Variants in ANKRD30B observed in about 807,000 individuals in gnomAD.
The protein encoded by ANKRD30B is ankyrin repeat domain 30B.
In ANKRD30B, 144 loss-of-function variants were observed where a neutral mutation model predicts 202.2. The observed-to-expected ratio is 0.71, with a 90% CI of 0.62 to 0.82. ANKRD30B has a LOEUF of 0.82. Among genes scored for constraint, ANKRD30B ranks in the 40% least tolerant of loss-of-function variants. The pLI, the probability that ANKRD30B is intolerant of heterozygous loss-of-function variation, is 0.00. For missense variants in ANKRD30B, 1,487 were observed against 1,669.1 expected (o/e 0.89, Z 1.90); for synonymous variants, 508 against 561.3 (o/e 0.91, Z 1.34).
chr18:14,853,285 T>C (rs1200391770), intron 42 of ANKRD30B, among the ~76,000 whole-genome samples: 2 of 152,118 alleles, frequency 1.3e-5, no homozygotes, highest in South Asian at 4.1e-4. Flanking sequence ...GGTGGCAAGG[T>C]TCATGTATAG....
chr18:14,833,197 A>T (rs925874820), intron 34 of ANKRD30B, among the ~76,000 whole-genome samples: 1 of 150,546 alleles, frequency 6.6e-6, no homozygotes, highest in Non-Finnish European at 1.5e-5. Context: ...GGCCTCCCCA[A>T]AATCCTGGGA....
At chr18:14,920,424 T>G in the ANKRD30B span, among the ~76,000 whole-genome samples, 4 of 152,204 alleles carry the variant, frequency 2.6e-5, no homozygotes, top group Admixed American at 6.5e-5. Context: ...CCATAGTGAC[T>G]AGTGTCACCA....
chr18:14,816,287 T>C (rs1436961030), intron 30 of ANKRD30B: 1 of 152,216 alleles, frequency 6.6e-6, no homozygotes, highest in Non-Finnish European at 1.5e-5. Context: ...GTTTGTAGAA[T>C]GTTCTTGTCA....
At chr18:14,940,936 G>A in the ANKRD30B span, among the ~76,000 whole-genome samples, 2 of 152,050 alleles carry the variant, frequency 1.3e-5, no homozygotes, top group Admixed American at 6.5e-5. Flanking sequence ...AGAGTCCCAG[G>A]GACTCTTATG....
At position 14,772,075 on chromosome 18, in the gene ANKRD30B, G is replaced by A. The variant is rs999776373; in HGVS notation, c.1257-81G>A. On this transcript the variant is annotated intron_variant, in intron 8 of 43. Transcript: ENST00000690538. ...GTTTTTTGTTTTCATTTTATAGAGTGAGCACCAAGATATGAACTAGCAGAT... is the reference window on the plus strand; with the variant it reads ...GTTTTTTGTTTTCATTTTATAGAGTAAGCACCAAGATATGAACTAGCAGAT... The A allele has an allele frequency of 3.7e-6, 3 of 806,856 alleles. No individual in the cohort carries two copies. The African/African-American group carries it at 5.3e-5, about 14-fold the overall frequency. The allele number at this position is 806,856 out of a possible 1,614,324, so 50.0% of individuals were successfully genotyped here.
At chr18:14,822,112 A>G (rs1247618130) in intron 30 of ANKRD30B, among the ~76,000 whole-genome samples, 1 of 151,900 alleles carries the variant, frequency 6.6e-6, no homozygotes, top group Non-Finnish European at 1.5e-5. Flanking sequence ...TAGCTTGGAC[A>G]TTTATTTATT....
chr18:14,840,306 G>A (rs1971362100), intron 36 of ANKRD30B, among the ~76,000 whole-genome samples: 1 of 152,132 alleles, frequency 6.6e-6, no homozygotes, highest in African/African-American at 2.4e-5. Flanking sequence ...CGGAGGGCGA[G>A]GTGGGCAGAT....
the ANKRD30B span, among the ~76,000 whole-genome samples, chr18:14,897,640 T>C: frequency 6.6e-6 from 1 of 152,234 alleles, no homozygotes. Context: ...CTGTATATTT[T>C]ATTTTCAAAT....
chr18:14,769,742 C>T (rs1916811063), intron 8 of ANKRD30B, among the ~76,000 whole-genome samples: 2 of 152,334 alleles, frequency 1.3e-5, no homozygotes, highest in Admixed American at 1.3e-4. Context: ...TGGATCAATT[C>T]ACAAAGTTAC....
chr18:14,881,291 T>C, the ANKRD30B span, among the ~76,000 whole-genome samples: 1 of 152,206 alleles, frequency 6.6e-6, no homozygotes, highest in Non-Finnish European at 1.5e-5. Flanking sequence ...GCTTTAATCA[T>C]AAAGCAATGC....
At chr18:14,886,465 T>C in the ANKRD30B span, among the ~76,000 whole-genome samples, 1 of 152,050 alleles carries the variant, frequency 6.6e-6, no homozygotes, top group Non-Finnish European at 1.5e-5. Context: ...AGAAGTCTTT[T>C]TTAGGTGATT....
chr18:14,940,035 T>A, the ANKRD30B span, among the ~76,000 whole-genome samples: 1 of 152,238 alleles, frequency 6.6e-6, no homozygotes, highest in Non-Finnish European at 1.5e-5. Context: ...TGACTCCTTA[T>A]TCATAGGCAA....
At chr18:14,910,609 A>G in the ANKRD30B span, among the ~76,000 whole-genome samples, 1 of 151,580 alleles carries the variant, frequency 6.6e-6, no homozygotes, top group African/African-American at 2.4e-5. Context: ...TTTTTTTTTG[A>G]TATAATAAAT....
chr18:14,882,101 T>G, the ANKRD30B span, among the ~76,000 whole-genome samples: 4 of 152,204 alleles, frequency 2.6e-5, no homozygotes, highest in Admixed American at 6.5e-5. Flanking sequence ...TGTTCTTGTG[T>G]CAATTTCATT....
chr18:14,860,012 T>C, the ANKRD30B span, among the ~76,000 whole-genome samples: 1 of 109,392 alleles, frequency 9.1e-6, no homozygotes, highest in Non-Finnish European at 1.9e-5. Context: ...GGGTGGGAGC[T>C]GGGCAGAGGC....
chr18:14,939,395 A>G, the ANKRD30B span, among the ~76,000 whole-genome samples: 39 of 152,242 alleles, frequency 2.6e-4, no homozygotes, highest in South Asian at 6.2e-4. Context: ...CTCACACCCA[A>G]GGTCCCTGTC....
chr18:14,843,252 A>G (rs1291317652), intron 39 of ANKRD30B, among the ~76,000 whole-genome samples, 156 bp downstream of exon 39: 1 of 152,170 alleles, frequency 6.6e-6, no homozygotes, highest in African/African-American at 2.4e-5. Flanking sequence ...GATTACTTAC[A>G]AGAACACGAA....
intron 11 of ANKRD30B, among the ~76,000 whole-genome samples, chr18:14,781,370 C>G (rs1967733573): frequency 6.9e-6 from 1 of 144,814 alleles, no homozygotes. Flanking sequence ...TCTCCACTCA[C>G]TGCAAGTTCT....
intron 20 of ANKRD30B, among the ~76,000 whole-genome samples, chr18:14,798,798 C>T (rs1427602626): frequency 6.6e-6 from 1 of 152,178 alleles, no homozygotes; most frequent in Non-Finnish European, 1.5e-5. Context: ...GGTAGCACAT[C>T]ACCCACTGTT....
Sources: allele counts gnomAD v4.1 joint callset (sites outside exome capture counted in the v4.1 genomes callset), GRCh38; gene constraint gnomAD v4.1.1; transcripts MANE v1.5; gene names NCBI Gene and HGNC (gene_info 2026-07-23, HGNC 2026-07-21).